ZBTB16: variants seen among roughly 807,000 people sequenced by gnomAD.
ZBTB16 encodes the protein zinc finger and BTB domain-containing protein 16.
Under a neutral mutation model 56.8 loss-of-function variants are expected in ZBTB16, and 8 were observed. The observed-to-expected ratio is 0.14, with a 90% CI of 0.08 to 0.25. ZBTB16 has a LOEUF of 0.25. Among genes scored for constraint, ZBTB16 ranks in the 10% least tolerant of loss-of-function variants. ZBTB16 has a pLI of 1.00. For missense variants in ZBTB16, 625 were observed against 903.0 expected (o/e 0.69, Z 3.95); for synonymous variants, 363 against 368.5 (o/e 0.98, Z 0.17).
intron 5 of ZBTB16, among the ~76,000 whole-genome samples, chr11:114,244,607 G>A (rs753452760): frequency 1.1e-4 from 17 of 152,026 alleles, no homozygotes; most frequent in Non-Finnish European, 1.9e-4. Flanking sequence ...ATGGGGATAC[G>A]TGTGTGTTGG....
chr11:114,205,270 C>T (rs1040156051), intron 4 of ZBTB16, among the ~76,000 whole-genome samples: 2 of 151,846 alleles, frequency 1.3e-5, no homozygotes, highest in African/African-American at 4.8e-5. Context: ...ATTAGCCGGG[C>T]GTAGTGGTGG....
At chr11:114,212,561 T>C (rs926247000) in intron 4 of ZBTB16, among the ~76,000 whole-genome samples, 1 of 152,226 alleles carries the variant, frequency 6.6e-6, no homozygotes, top group African/African-American at 2.4e-5. Flanking sequence ...TGAAAAGACT[T>C]CGCTATAGAG....
intron 4 of ZBTB16, among the ~76,000 whole-genome samples, chr11:114,211,872 C>A (rs956547084): frequency 6.6e-6 from 1 of 152,146 alleles, no homozygotes; most frequent in Non-Finnish European, 1.5e-5. Context: ...GGATTATGGC[C>A]GGCCCCTGGA....
chr11:114,078,987 C>T (rs1939667041), intron 2 of ZBTB16, among the ~76,000 whole-genome samples: 1 of 151,376 alleles, frequency 6.6e-6, no homozygotes, highest in African/African-American at 2.4e-5. Context: ...TTACAGGTGC[C>T]TGTAATCCCA....
intron 4 of ZBTB16, among the ~76,000 whole-genome samples, chr11:114,206,018 C>T (rs965354736): frequency 2.0e-5 from 3 of 152,154 alleles, no homozygotes; most frequent in African/African-American, 4.8e-5. Flanking sequence ...AGCTTAGATT[C>T]CTTGTTCTGG....
intron 3 of ZBTB16, among the ~76,000 whole-genome samples, chr11:114,158,619 G>A (rs551778623): frequency 1.1e-4 from 16 of 152,314 alleles, no homozygotes; most frequent in Admixed American, 9.2e-4. Flanking sequence ...GGGTTACATG[G>A]TGGAAGGAAT....
In ZBTB16 at chr11:114,255,839, T is replaced by A. The variant is rs1222373318; in HGVS notation, c.*5284T>A. Among the ~76,000 whole-genome samples, 1 of 152,132 alleles carries A rather than the reference T, an allele frequency of 6.6e-6. No homozygotes were observed. ...TATAGCAAAGAGAATATTTTTTACA[T>A]CCTACTAACAGTAGATTTTTTTGTA... On this transcript the variant is annotated 3_prime_UTR_variant, in exon 7 of 7. Coordinates refer to ENST00000335953, the MANE Select transcript of ZBTB16 (RefSeq NM_006006.6).
At chr11:114,104,005 T>C (rs1940703066) in intron 2 of ZBTB16, among the ~76,000 whole-genome samples, 1 of 152,184 alleles carries the variant, frequency 6.6e-6, no homozygotes, top group Admixed American at 6.5e-5. Context: ...TCCTCCCTCC[T>C]TCCTCGCAGA....
intron 4 of ZBTB16, among the ~76,000 whole-genome samples, chr11:114,220,119 G>A (rs1944199787): frequency 6.6e-6 from 1 of 152,204 alleles, no homozygotes; most frequent in South Asian, 2.1e-4. Flanking sequence ...GTGGACGGAG[G>A]GGTCGAGTTA....
chr11:114,066,837 C>A (rs990714057), intron 2 of ZBTB16, among the ~76,000 whole-genome samples: 2 of 137,626 alleles, frequency 1.5e-5, no homozygotes, highest in Non-Finnish European at 1.5e-5. Context: ...ATGGCGTGAT[C>A]TCAGCTCACT....
intron 3 of ZBTB16, among the ~76,000 whole-genome samples, chr11:114,174,025 C>T (rs1943040835): frequency 6.6e-6 from 1 of 152,198 alleles, no homozygotes; most frequent in Non-Finnish European, 1.5e-5. Flanking sequence ...TACATGTTTT[C>T]ATACCTTTGA....
intron 2 of ZBTB16, among the ~76,000 whole-genome samples, chr11:114,152,680 T>G (rs1004943738): frequency 6.6e-6 from 1 of 152,208 alleles, no homozygotes; most frequent in African/African-American, 2.4e-5. Context: ...TGGGCTGTAC[T>G]AGAACTGGGT....
At chr11:114,158,454 CT>C (rs1942484506) in intron 3 of ZBTB16, among the ~76,000 whole-genome samples, 1 of 152,196 alleles carries the variant, frequency 6.6e-6, no homozygotes, top group South Asian at 2.1e-4. Context: ...TCCAAGGTCC[CT>C]TCCATGATGC....
chr11:114,246,977 T>G (rs1944827965), intron 5 of ZBTB16: 1 of 620,770 alleles, frequency 1.6e-6, no homozygotes. Flanking sequence ...GACTGGCCCT[T>G]GCCCCACAGA....
At chr11:114,153,149 C>T (rs1255624272) in intron 2 of ZBTB16, among the ~76,000 whole-genome samples, 1 of 152,170 alleles carries the variant, frequency 6.6e-6, no homozygotes, top group African/African-American at 2.4e-5. Context: ...AATCCTCCAC[C>T]ATTATTTTCT....
intron 2 of ZBTB16, among the ~76,000 whole-genome samples, chr11:114,067,815 A>G (rs1008186076): frequency 4.6e-5 from 7 of 152,132 alleles, no homozygotes; most frequent in Admixed American, 6.5e-5. Context: ...GAAATCAGAA[A>G]GGGGAGAAAA....
intron 2 of ZBTB16, among the ~76,000 whole-genome samples, chr11:114,141,719 G>A (rs559577931): frequency 6.6e-5 from 10 of 152,118 alleles, no homozygotes; most frequent in Non-Finnish European, 1.2e-4. Context: ...TAAACTTCCC[G>A]TTCTACTAAC....
In ZBTB16 at chr11:114,196,609, T is replaced by C. The variant is rs60716553; in HGVS notation, c.1453+9571T>C. On this transcript the variant is annotated intron_variant, in intron 4 of 6. Coordinates refer to ENST00000335953, the MANE Select transcript of ZBTB16 (RefSeq NM_006006.6). ...TAGCCTGTGTAGCTGGCTTATCCTG[T>C]AGTTCCTTCATTTCCTCATTCTCTG... Among the ~76,000 whole-genome samples the C allele has an allele frequency of 5.4e-4, 82 of 152,310 alleles. 1 individual carries two copies. The East Asian group carries it at 0.014, about 26-fold the overall frequency.
At chr11:114,222,475 T>A (rs753395403) in intron 4 of ZBTB16, among the ~76,000 whole-genome samples, 15 of 152,056 alleles carry the variant, frequency 9.9e-5, no homozygotes, top group Non-Finnish European at 2.1e-4. Flanking sequence ...GAAACCTGAA[T>A]GGATATGACA....
Sources: gnomAD v4.1 joint callset for allele counts (sites outside exome capture counted in the v4.1 genomes callset) on GRCh38, gnomAD v4.1.1 for gene constraint, MANE v1.5 for transcripts, NCBI Gene and HGNC (gene_info 2026-07-23, HGNC 2026-07-21) for gene names.